TMEM67: variants seen among roughly 807,000 people sequenced by gnomAD.
TMEM67 encodes meckelin.
A neutral mutation model predicts 136.6 loss-of-function variants in TMEM67; 124 were observed. That is an observed-to-expected ratio of 0.91 (90% CI 0.78 to 1.05). The LOEUF (loss-of-function observed/expected upper bound fraction) is 1.05. Among genes scored for constraint, TMEM67 ranks in the 50% least tolerant of loss-of-function variants. The probability of loss-of-function intolerance (pLI) is 0.00; values close to 1 mark genes in which losing one functional copy is unlikely to be tolerated. For missense variants in TMEM67, 1,107 were observed against 1,178.4 expected (o/e 0.94, Z 0.89); for synonymous variants, 364 against 390.5 (o/e 0.93, Z 0.80).
At chr8:93,786,428 A>G (rs1439646946) in intron 13 of TMEM67, 82 bp downstream of exon 13, 9 of 1,483,662 alleles carry the variant, frequency 6.1e-6, no homozygotes, top group Middle Eastern at 1.8e-4. Flanking sequence ...TGAAAACAAT[A>G]AGGACAACTG....
the TMEM67 span, among the ~76,000 whole-genome samples, chr8:93,828,477 C>A: frequency 6.6e-6 from 1 of 152,220 alleles, no homozygotes; most frequent in South Asian, 2.1e-4. Context: ...CAGTGGCTCA[C>A]ACCTGTAATC....
intron 22 of TMEM67, among the ~76,000 whole-genome samples, chr8:93,803,922 T>C (rs1456291206): frequency 6.6e-6 from 1 of 151,656 alleles, no homozygotes; most frequent in Non-Finnish European, 1.5e-5. Flanking sequence ...TCACCCAGGC[T>C]GGAGTGTAGT....
chr8:93,768,264 A>G (rs754532305), intron 6 of TMEM67, among the ~76,000 whole-genome samples: 2 of 125,164 alleles, frequency 1.6e-5, no homozygotes, highest in African/African-American at 7.2e-5. Context: ...GCTAGGAAAT[A>G]TACACATACA....
intron 23 of TMEM67, among the ~76,000 whole-genome samples, chr8:93,807,538 A>G (rs1165252067): frequency 6.6e-6 from 1 of 152,072 alleles, no homozygotes; most frequent in Non-Finnish European, 1.5e-5. Context: ...TTATATGTAC[A>G]TGCCTTATAA....
chr8:93,825,423 G>A, the TMEM67 span, among the ~76,000 whole-genome samples: 5 of 152,216 alleles, frequency 3.3e-5, no homozygotes, highest in Admixed American at 2.0e-4. Context: ...TGGCCCCATT[G>A]GGTGCTATTC....
intron 26 of TMEM67, among the ~76,000 whole-genome samples, chr8:93,810,207 G>A (rs886622526): frequency 1.7e-4 from 25 of 149,830 alleles, no homozygotes; most frequent in Non-Finnish European, 3.4e-4. Flanking sequence ...TTGACCTCGT[G>A]ATCCGCCCAC....
intron 25 of TMEM67, among the ~76,000 whole-genome samples, chr8:93,809,428 T>G (rs1301165039): frequency 1.3e-5 from 2 of 152,190 alleles, no homozygotes. Context: ...GTTAACATAA[T>G]CATGATTCCC....
rs200660037 is a variant in TMEM67 at position 93,795,982 on chromosome 8, C to T, written c.1855C>T (p.Leu619=). 1 of 1,611,536 alleles carries T rather than the reference C, an allele frequency of 6.2e-7. No homozygotes were observed. The highest frequency in any genetic ancestry group is 2.2e-5 in the East Asian group (1 of 44,860). The change falls in exon 18 of 28, where the codon CTG becomes TTG. Residue 619 remains leucine, a synonymous_variant. Transcript: ENST00000453321. Reference sequence around the variant, plus strand: ...CACTTATGTTGGATGTGCCTTTGCTCTGAAGGTAAGTTTTAAAGGACAGGT... The same window carrying T: ...CACTTATGTTGGATGTGCCTTTGCTTTGAAGGTAAGTTTTAAAGGACAGGT... ...FVTYVGCAFA[L]KALQFLHKLI...
At chr8:93,818,678 T>A (rs1234237083), downstream of TMEM67, among the ~76,000 whole-genome samples, 1 of 152,196 alleles carries the variant, frequency 6.6e-6, no homozygotes, top group Non-Finnish European at 1.5e-5. Context: ...TGCCCATCAC[T>A]CATAAGCTTT....
chr8:93,800,000 C>T (rs1024314914), intron 21 of TMEM67, among the ~76,000 whole-genome samples: 3 of 150,800 alleles, frequency 2.0e-5, no homozygotes, highest in East Asian at 1.9e-4. Context: ...CTCTGCCTTC[C>T]GGGTTCAAGC....
intron 21 of TMEM67, among the ~76,000 whole-genome samples, chr8:93,803,038 T>C (rs1814935329): frequency 6.6e-6 from 1 of 152,174 alleles, no homozygotes; most frequent in Non-Finnish European, 1.5e-5. Context: ...GTTTTATCTT[T>C]TCCTGAAACA....
At chr8:93,774,812 A>G (rs986707802) in intron 7 of TMEM67, among the ~76,000 whole-genome samples, 5 of 152,248 alleles carry the variant, frequency 3.3e-5, no homozygotes, top group Non-Finnish European at 5.9e-5. Flanking sequence ...TAGTGCCGCA[A>G]TAAACATACA....
intron 7 of TMEM67, among the ~76,000 whole-genome samples, chr8:93,777,118 G>A (rs1043011656): frequency 6.6e-6 from 1 of 152,102 alleles, no homozygotes; most frequent in Non-Finnish European, 1.5e-5. Flanking sequence ...ATTTCTTCTC[G>A]ATTTTCTAGT....
At chr8:93,795,361 A>C (rs1351491546) in intron 16 of TMEM67, 48 bp from the exon 17 acceptor site, 2 of 1,431,248 alleles carry the variant, frequency 1.4e-6, no homozygotes, top group African/African-American at 2.8e-5. Flanking sequence ...TAAAAGTGGT[A>C]TATACATGGA....
At chr8:93,824,156 TA>T (rs1809078793), downstream of TMEM67, among the ~76,000 whole-genome samples, 1 of 152,224 alleles carries the variant, frequency 6.6e-6, no homozygotes, top group Non-Finnish European at 1.5e-5. Context: ...TTAAAATGAA[TA>T]ATAGAGCTCT....
rs1815045284 is a variant in TMEM67 at position 93,804,634 on chromosome 8, C to T, written c.2323-128C>T. On this transcript the variant is annotated intron_variant, in intron 22 of 27. Coordinates refer to ENST00000453321, the MANE Select transcript of TMEM67 (RefSeq NM_153704.6). The stretch of plus-strand genomic sequence containing the variant: ...TTATCCTTCATTACTTTATTATCCT[C>T]TTTATATATTTCCCAAGAATACAAT... 6 of 602,832 alleles carry T rather than the reference C, an allele frequency of 1.0e-5. No homozygotes were observed. The South Asian group carries it at 1.1e-4, about 11-fold the overall frequency. 37.3% of individuals were successfully genotyped at this position (602,832 alleles called of 1,614,324 possible).
At chr8:93,780,022 G>A (rs1326791154) in intron 7 of TMEM67, among the ~76,000 whole-genome samples, 3 of 152,154 alleles carry the variant, frequency 2.0e-5, no homozygotes, top group African/African-American at 7.2e-5. Context: ...AACTGCGGTG[G>A]GCTCCACCCA....
chr8:93,787,374 C>G (rs981578078), intron 13 of TMEM67, among the ~76,000 whole-genome samples: 2 of 152,150 alleles, frequency 1.3e-5, no homozygotes, highest in Non-Finnish European at 2.9e-5. Context: ...TCCCAAAGTG[C>G]TGGGATTACA....
At chr8:93,788,891 A>C (rs926981994) in intron 14 of TMEM67, among the ~76,000 whole-genome samples, 1 of 152,226 alleles carries the variant, frequency 6.6e-6, no homozygotes, top group African/African-American at 2.4e-5. Flanking sequence ...ATGAGCCTAA[A>C]GAAGGTTGAG....
Sources: allele counts gnomAD v4.1 joint callset (sites outside exome capture counted in the v4.1 genomes callset), GRCh38; gene constraint gnomAD v4.1.1; transcripts MANE v1.5; gene names NCBI Gene and HGNC (gene_info 2026-07-23, HGNC 2026-07-21).